TENM3: variants seen among roughly 807,000 people sequenced by gnomAD.
TENM3 encodes the protein teneurin-3.
A neutral mutation model predicts 255.1 loss-of-function variants in TENM3; 63 were observed. The ratio of observed to expected loss-of-function variants is 0.25; its 90% CI spans 0.20 to 0.30. TENM3 has a LOEUF of 0.30. Among genes scored for constraint, TENM3 ranks in the 10% least tolerant of loss-of-function variants. The probability of loss-of-function intolerance (pLI) is 1.00; values close to 1 mark genes in which losing one functional copy is unlikely to be tolerated. For missense variants in TENM3, 2,929 were observed against 3,461.1 expected, an observed-to-expected ratio of 0.85 and a Z score of 3.86; for synonymous variants, 1,306 against 1,322.3, an observed-to-expected ratio of 0.99 and a Z score of 0.27.
intron 13 of TENM3, among the ~76,000 whole-genome samples, chr4:182,725,314 C>T (rs1187483156): frequency 6.6e-6 from 1 of 152,196 alleles, no homozygotes; most frequent in Non-Finnish European, 1.5e-5. Context: ...GCATCAGCCA[C>T]TGTGCCTGGC....
chr4:181,913,341 C>T, the TENM3 span, among the ~76,000 whole-genome samples: 2 of 152,124 alleles, frequency 1.3e-5, no homozygotes, highest in Admixed American at 1.3e-4. Flanking sequence ...TCAGTGCCGC[C>T]AAGTGAAAAT....
chr4:182,187,524 A>G (rs1227281988), intron 1 of TENM3, among the ~76,000 whole-genome samples: 1 of 152,212 alleles, frequency 6.6e-6, no homozygotes, highest in Non-Finnish European at 1.5e-5. Flanking sequence ...CCTCCTTCTT[A>G]GAAACCTTTG....
chr4:182,273,303 A>T (rs966561924), intron 1 of TENM3, among the ~76,000 whole-genome samples: 2 of 152,226 alleles, frequency 1.3e-5, no homozygotes, highest in African/African-American at 2.4e-5. Context: ...CATGCTATAT[A>T]GCTGGGGTTT....
At chr4:181,725,144 T>G in the TENM3 span, among the ~76,000 whole-genome samples, 1 of 152,330 alleles carries the variant, frequency 6.6e-6, no homozygotes, top group Middle Eastern at 3.4e-3. Context: ...TAGCTTAGCG[T>G]TCAGCATCCC....
intron 1 of TENM3, among the ~76,000 whole-genome samples, chr4:182,284,251 C>T (rs1760587240): frequency 6.6e-6 from 1 of 152,168 alleles, no homozygotes; most frequent in Admixed American, 6.5e-5. Context: ...TGCCAGACTC[C>T]CAGTTTCCTT....
At chr4:182,146,355 A>G (rs1749966302) in intron 1 of TENM3, among the ~76,000 whole-genome samples, 2 of 152,176 alleles carry the variant, frequency 1.3e-5, no homozygotes, top group African/African-American at 2.4e-5. Flanking sequence ...TTGATCTAAG[A>G]GTGAGAGGTT....
chr4:181,920,581 T>C, the TENM3 span, among the ~76,000 whole-genome samples: 1 of 152,140 alleles, frequency 6.6e-6, no homozygotes, highest in Admixed American at 6.5e-5. Context: ...AATGGGGTTG[T>C]TTGTTTTTTT....
At chr4:181,621,799 G>A in the TENM3 span, among the ~76,000 whole-genome samples, 1 of 152,290 alleles carries the variant, frequency 6.6e-6, no homozygotes, top group Non-Finnish European at 1.5e-5. Context: ...GAACTCCTAA[G>A]TTTGTACTAA....
chr4:181,818,539 C>T, the TENM3 span, among the ~76,000 whole-genome samples: 11 of 151,988 alleles, frequency 7.2e-5, no homozygotes, highest in Admixed American at 1.3e-4. Context: ...TTAAGTTCTG[C>T]GGTACATGTG....
At chr4:182,497,214 G>A (rs577271685) in intron 3 of TENM3, among the ~76,000 whole-genome samples, 4 of 152,004 alleles carry the variant, frequency 2.6e-5, no homozygotes, top group African/African-American at 9.6e-5. Context: ...CACCATGCCC[G>A]GCCAATTTTT....
At chr4:182,656,773 A>G (rs1753790183) in intron 6 of TENM3, among the ~76,000 whole-genome samples, 1 of 152,216 alleles carries the variant, frequency 6.6e-6, no homozygotes, top group South Asian at 2.1e-4. Flanking sequence ...CTAAGGAACA[A>G]TCATTGTGCT....
chr4:182,059,118 T>C, the TENM3 span, among the ~76,000 whole-genome samples: 2 of 152,046 alleles, frequency 1.3e-5, no homozygotes. Context: ...GCAGGTGGCA[T>C]CTGCTACAGT....
the TENM3 span, among the ~76,000 whole-genome samples, chr4:181,647,582 G>T: frequency 6.6e-6 from 1 of 152,040 alleles, no homozygotes; most frequent in South Asian, 2.1e-4. Context: ...CGAAACAGCC[G>T]CAAGATAAAA....
chr4:182,298,316 A>G (rs546775892), intron 1 of TENM3, among the ~76,000 whole-genome samples: 73 of 152,300 alleles, frequency 4.8e-4, no homozygotes, highest in African/African-American at 1.7e-3. Flanking sequence ...ATAAAGAAAT[A>G]TAGAAATGAG....
At chr4:182,737,126 A>G (rs1761230941) in intron 17 of TENM3, 51 bp downstream of exon 17, 3 of 1,562,444 alleles carry the variant, frequency 1.9e-6, no homozygotes, top group Non-Finnish European at 2.6e-6. Context: ...CAAAGCCAGA[A>G]CTATCATAAA....
the TENM3 span, among the ~76,000 whole-genome samples, chr4:181,845,982 T>G: frequency 1.3e-5 from 2 of 152,226 alleles, no homozygotes; most frequent in Admixed American, 1.3e-4. Context: ...GTCATTCCTA[T>G]TTACGCTAAG....
chr4:182,363,649 A>G (rs1051389326), intron 3 of TENM3, among the ~76,000 whole-genome samples: 3 of 152,146 alleles, frequency 2.0e-5, no homozygotes, highest in African/African-American at 7.2e-5. Context: ...GGTAACCATA[A>G]AACCTACTTA....
the TENM3 span, among the ~76,000 whole-genome samples, chr4:181,504,831 G>A: frequency 1.3e-5 from 2 of 152,156 alleles, no homozygotes; most frequent in African/African-American, 4.8e-5. Context: ...AATCCCCGAA[G>A]TATACTAAAG....
chr4:182,134,192 G>A, the TENM3 span, among the ~76,000 whole-genome samples: 1 of 152,158 alleles, frequency 6.6e-6, no homozygotes, highest in African/African-American at 2.4e-5. Context: ...TTTCTAATAA[G>A]TTTGAAAATA....
Sources: allele counts gnomAD v4.1 joint callset (sites outside exome capture counted in the v4.1 genomes callset), GRCh38; gene constraint gnomAD v4.1.1; transcripts MANE v1.5; gene names NCBI Gene and HGNC (gene_info 2026-07-23, HGNC 2026-07-21).